The following WLS variants were observed in gnomAD, a reference collection of about 807,000 sequenced individuals.
The protein encoded by WLS is Wnt ligand secretion mediator, also known as protein wntless homolog.
WLS carries 23 observed loss-of-function variants against 62.8 expected under a neutral mutation model. The observed-to-expected ratio is 0.37, with a 90% CI of 0.26 to 0.52. The LOEUF is 0.52. Among genes scored for constraint, WLS ranks in the 20% least tolerant of loss-of-function variants. The probability of loss-of-function intolerance (pLI) is 0.92; values close to 1 mark genes in which losing one functional copy is unlikely to be tolerated. For synonymous variants in WLS, 246 were observed against 244.1 expected (o/e 1.01, Z -0.07); for missense variants, 615 against 697.3 (o/e 0.88, Z 1.33).
In WLS at chr1:68,158,292, T is replaced by C. The variant is rs557361536; in HGVS notation, c.504+831A>G. ...GAACACATTTTCTGTAGCTTTGTTC[T>C]AGGAAACCTGCGGGAGGGAGACTCC... On this transcript the variant is annotated intron_variant, in intron 3 of 11. Transcript: ENST00000262348. 8.5e-5 allele frequency among the ~76,000 whole-genome samples: 13 copies of C among 152,328 alleles called. No homozygotes were observed. The South Asian group carries it at 2.7e-3, about 32-fold the overall frequency.
At chr1:68,225,164 G>A (rs1650091198) in intron 1 of WLS, among the ~76,000 whole-genome samples, 1 of 152,012 alleles carries the variant, frequency 6.6e-6, no homozygotes, top group Non-Finnish European at 1.5e-5. Flanking sequence ...GATTTAGTCA[G>A]GGATAGAATG....
intron 11 of WLS, 109 bp from the exon 12 acceptor site, chr1:68,126,444 C>T: frequency 7.3e-7 from 1 of 1,374,902 alleles, no homozygotes; most frequent in Non-Finnish European, 1.0e-6. Context: ...ACATTCTGAG[C>T]ACACAGAGAC....
At chr1:68,161,603 T>C (rs1169863738) in intron 2 of WLS, among the ~76,000 whole-genome samples, 1 of 152,244 alleles carries the variant, frequency 6.6e-6, no homozygotes. Context: ...TTCAGTTTTC[T>C]AGCTCTTGTA....
At chr1:68,109,465 T>C (rs1646192194) in intron 11 of WLS, among the ~76,000 whole-genome samples, 1 of 152,214 alleles carries the variant, frequency 6.6e-6, no homozygotes, top group Admixed American at 6.5e-5. Flanking sequence ...CTTTAAATGT[T>C]GGAATGAGAA....
intron 11 of WLS, among the ~76,000 whole-genome samples, chr1:68,131,080 G>GTGTGTGTGTGTGTGTT (rs1304208890): frequency 8.6e-6 from 1 of 116,920 alleles, no homozygotes; most frequent in African/African-American, 2.8e-5. Flanking sequence ...GTGTGTGTGT[G>GTGTGTGTGTGTGTGTT]TGTGTGTTTT....
At chr1:68,115,458 A>T (rs988622374) in intron 11 of WLS, among the ~76,000 whole-genome samples, 5 of 152,186 alleles carry the variant, frequency 3.3e-5, no homozygotes, top group African/African-American at 1.2e-4. Context: ...CCTCCCTTTG[A>T]GACAAAGTAT....
chr1:68,191,637 TTAA>T (rs1373897281), intron 2 of WLS, among the ~76,000 whole-genome samples: 13 of 152,204 alleles, frequency 8.5e-5, no homozygotes, highest in African/African-American at 2.9e-4. Context: ...TGGCTGGGAC[TTAA>T]TAAAGTTTAA....
At chr1:68,199,374 C>G (rs1332099818) in intron 1 of WLS, among the ~76,000 whole-genome samples, 1 of 152,194 alleles carries the variant, frequency 6.6e-6, no homozygotes, top group East Asian at 1.9e-4. Context: ...GCACAGGATG[C>G]TCCAGTTGTA....
intron 2 of WLS, 172 bp downstream of exon 2, chr1:68,193,783 G>C: frequency 1.2e-6 from 1 of 806,734 alleles, no homozygotes; most frequent in Non-Finnish European, 1.9e-6. Context: ...AACCTGGTGG[G>C]AAGATTAAAT....
intron 11 of WLS, among the ~76,000 whole-genome samples, chr1:68,112,948 G>T (rs1167510611): frequency 2.0e-5 from 3 of 152,224 alleles, no homozygotes; most frequent in Admixed American, 6.5e-5. Flanking sequence ...CAGTGAGAGC[G>T]TCAGAACAAG....
intron 2 of WLS, among the ~76,000 whole-genome samples, chr1:68,167,357 C>A (rs1647074355): frequency 6.6e-6 from 1 of 152,186 alleles, no homozygotes; most frequent in South Asian, 2.1e-4. Context: ...AGCTGGTTAC[C>A]TGAATTGTTT....
chr1:68,149,684 A>G (rs972702970), intron 6 of WLS, among the ~76,000 whole-genome samples: 5 of 152,092 alleles, frequency 3.3e-5, no homozygotes, highest in African/African-American at 1.2e-4. Context: ...GGAGACCGGG[A>G]AGGTCTGTAT....
chr1:68,168,828 T>C (rs1218986276), intron 2 of WLS, among the ~76,000 whole-genome samples: 1 of 152,114 alleles, frequency 6.6e-6, no homozygotes, highest in Non-Finnish European at 1.5e-5. Flanking sequence ...CCTTCCCCAA[T>C]AAAAAACTCT....
intron 1 of WLS, among the ~76,000 whole-genome samples, chr1:68,222,334 T>C (rs1649974986): frequency 6.6e-6 from 1 of 152,216 alleles, no homozygotes; most frequent in Non-Finnish European, 1.5e-5. Flanking sequence ...TCTGTAGTGT[T>C]CCTTAAAATC....
chr1:68,229,430 C>T (rs2100675923), intron 1 of WLS, among the ~76,000 whole-genome samples: 1 of 152,296 alleles, frequency 6.6e-6, no homozygotes, highest in East Asian at 1.9e-4. Context: ...TAGAGAGACA[C>T]TTCACACCCA....
At chr1:68,133,892 G>C (rs1165558700) in intron 11 of WLS, among the ~76,000 whole-genome samples, 1 of 152,160 alleles carries the variant, frequency 6.6e-6, no homozygotes, top group Non-Finnish European at 1.5e-5. Flanking sequence ...CTGCTTGTCT[G>C]TGCTCCGTCC....
chr1:68,195,166 C>G (rs761810192), intron 1 of WLS, among the ~76,000 whole-genome samples: 16 of 152,242 alleles, frequency 1.1e-4, no homozygotes, highest in Middle Eastern at 3.4e-3. Context: ...TTATATCATG[C>G]ATAGTTTTGT....
intron 11 of WLS, among the ~76,000 whole-genome samples, chr1:68,104,181 A>G (rs1007266024): frequency 8.6e-5 from 12 of 139,460 alleles, no homozygotes; most frequent in Non-Finnish European, 1.4e-4. Flanking sequence ...GGGCCCTGCA[A>G]TGTTTGTGAT....
downstream of WLS, among the ~76,000 whole-genome samples, chr1:68,122,797 A>G (rs1057396837): frequency 6.6e-6 from 1 of 152,108 alleles, no homozygotes; most frequent in Non-Finnish European, 1.5e-5. Flanking sequence ...CTTGAAATGG[A>G]GACTTCTTTA....
Sources: gnomAD v4.1 joint callset for allele counts (sites outside exome capture counted in the v4.1 genomes callset) on GRCh38, gnomAD v4.1.1 for gene constraint, MANE v1.5 for transcripts, NCBI Gene and HGNC (gene_info 2026-07-23, HGNC 2026-07-21) for gene names.